NTN1: variants seen among roughly 807,000 people sequenced by gnomAD.
The protein encoded by NTN1 is netrin-1.
Under a neutral mutation model 54.2 loss-of-function variants are expected in NTN1, and 11 were observed. That is an observed-to-expected ratio of 0.20 (90% CI 0.13 to 0.34). NTN1 has a LOEUF of 0.34. NTN1 is among the 10% of genes least tolerant of loss of function. The pLI is 1.00. For synonymous variants in NTN1, 371 were observed against 382.0 expected, an observed-to-expected ratio of 0.97 and a Z score of 0.33; for missense variants, 740 against 893.1, an observed-to-expected ratio of 0.83 and a Z score of 2.18.
intron 2 of NTN1, among the ~76,000 whole-genome samples, chr17:9,026,278 T>C (rs1298729511): frequency 1.3e-5 from 2 of 152,178 alleles, no homozygotes; most frequent in East Asian, 3.8e-4. Flanking sequence ...CCTATATGTT[T>C]TCTTTGGTCC....
At chr17:9,082,710 G>A (rs1379520892) in intron 2 of NTN1, among the ~76,000 whole-genome samples, 4 of 46,440 alleles carry the variant, frequency 8.6e-5, no homozygotes, top group Non-Finnish European at 1.4e-4. Flanking sequence ...AGAGTTTCTC[G>A]CCTTTTTTTT....
chr17:9,180,994 G>A (rs561661166), intron 4 of NTN1, among the ~76,000 whole-genome samples: 1 of 152,294 alleles, frequency 6.6e-6, no homozygotes, highest in East Asian at 1.9e-4. Flanking sequence ...GAAAGCTGAG[G>A]TCTCCCGTCA....
rs146893755 is a variant in NTN1, at chr17:9,223,652, TGGGCCATG to T, written c.1486+2415_1486+2422del. ...TCAGTGTCCCCTGGGGACTGTTAGG[TGGGCCATG>T]GGGCAGGCCTCTCTCCACTCCCCTA... On this transcript the variant is annotated intron_variant, in intron 6 of 6. Transcript: ENST00000173229. 5.6e-4 allele frequency among the ~76,000 whole-genome samples: 85 copies of T among 152,302 alleles called. No homozygotes were observed. The East Asian group carries it at 0.013, about 23-fold the overall frequency.
intron 5 of NTN1, among the ~76,000 whole-genome samples, chr17:9,200,064 C>T (rs1038229605): frequency 1.3e-5 from 2 of 152,248 alleles, no homozygotes; most frequent in Admixed American, 1.3e-4. Context: ...GCCAAGCTAA[C>T]CGGCTAGCCA....
At chr17:9,058,155 G>T (rs1418735641) in intron 2 of NTN1, among the ~76,000 whole-genome samples, 2 of 152,204 alleles carry the variant, frequency 1.3e-5, no homozygotes, top group Non-Finnish European at 2.9e-5. Flanking sequence ...CTCCCAAGGT[G>T]CTGGGATTAC....
intron 6 of NTN1, among the ~76,000 whole-genome samples, chr17:9,226,701 C>G (rs1356745259): frequency 6.6e-6 from 1 of 152,116 alleles, no homozygotes; most frequent in Non-Finnish European, 1.5e-5. Flanking sequence ...TTATTATTTT[C>G]AAGCATATTC....
intron 2 of NTN1, among the ~76,000 whole-genome samples, chr17:9,158,537 CTG>C (rs1336848166): frequency 6.6e-6 from 1 of 152,204 alleles, no homozygotes; most frequent in Admixed American, 6.5e-5. Flanking sequence ...TAGATTCTGA[CTG>C]TAGTCTAGGC....
chr17:9,088,864 T>C (rs1481334454), intron 2 of NTN1, among the ~76,000 whole-genome samples: 1 of 152,068 alleles, frequency 6.6e-6, no homozygotes, highest in Admixed American at 6.6e-5. Context: ...TCTCTCCGGG[T>C]TCCTTGTGGC....
chr17:9,102,348 G>A (rs1465203096), intron 2 of NTN1, among the ~76,000 whole-genome samples: 1 of 152,166 alleles, frequency 6.6e-6, no homozygotes, highest in East Asian at 1.9e-4. Context: ...CATGGCGGCA[G>A]GAAGAAGAAT....
At chr17:9,222,206 G>GA (rs772600631) in intron 6 of NTN1, among the ~76,000 whole-genome samples, 84 of 152,298 alleles carry the variant, frequency 5.5e-4, no homozygotes, top group Non-Finnish European at 1.0e-3. Context: ...CTGGGCCCAC[G>GA]AAAGTCCACA....
intron 2 of NTN1, among the ~76,000 whole-genome samples, chr17:9,092,862 C>A (rs971227508): frequency 6.6e-6 from 1 of 152,020 alleles, no homozygotes; most frequent in Non-Finnish European, 1.5e-5. Flanking sequence ...AGGTTCACGC[C>A]ATTCTCCTGC....
At chr17:9,022,185 C>A (rs2091851652) in intron 1 of NTN1, 126 bp from the exon 2 acceptor site, 1 of 588,708 alleles carries the variant, frequency 1.7e-6, no homozygotes, top group Non-Finnish European at 2.5e-6. Flanking sequence ...GGGAGAGAGG[C>A]GGGCAGTCGG....
intron 2 of NTN1, among the ~76,000 whole-genome samples, chr17:9,116,939 C>T (rs963679418): frequency 8.6e-5 from 13 of 152,026 alleles, no homozygotes; most frequent in Admixed American, 4.6e-4. Context: ...TGTCTGCTTT[C>T]AGGAAGGATT....
At chr17:9,110,702 A>C (rs1458115811) in intron 2 of NTN1, among the ~76,000 whole-genome samples, 1 of 152,192 alleles carries the variant, frequency 6.6e-6, no homozygotes. Flanking sequence ...GTCCACAGTC[A>C]GGGTCTCAGC....
Position 9,111,690 on chromosome 17 carries a change from G to C in NTN1, c.1019-51123G>C, listed in dbSNP as rs527980828. 8.5e-5 allele frequency among the ~76,000 whole-genome samples: 13 copies of C among 152,250 alleles called. No homozygotes were observed. In the South Asian group the frequency reaches 2.7e-3, roughly 32 times the overall value. ...TCGACAGTCAATTAACACATATTTT[G>C]CATGTTATATGTATTATATACTGTA... On this transcript the variant is annotated intron_variant, in intron 2 of 6. Transcript: ENST00000173229.
chr17:9,242,306 ACAGGGCCCCTCTCCAAGCTGT>A lies in NTN1; in HGVS notation c.*2342_*2362del, dbSNP rs1481848252. 1 of 152,302 alleles carries A rather than the reference ACAGGGCCCCTCTCCAAGCTGT, an allele frequency of 6.6e-6. No homozygotes were observed. Among genetic ancestry groups the A allele is most frequent in the African/African-American group, 2.4e-5 (1 of 41,472 alleles). 9.4% of individuals were successfully genotyped at this position (152,302 alleles called of 1,614,324 possible). ...CCTGAATCCAGCCCAAGGCTAGAAG[ACAGGGCCCCTCTCCAAGCTGT>A]CAGCGCCCCTCGGATGCCCAGTGTG... is the stretch of plus-strand genomic sequence containing the variant. On this transcript the variant is annotated 3_prime_UTR_variant, in exon 7 of 7. Transcript: ENST00000173229.
chr17:9,217,222 C>T (rs1905235287), intron 5 of NTN1, among the ~76,000 whole-genome samples: 1 of 152,050 alleles, frequency 6.6e-6, no homozygotes, highest in South Asian at 2.1e-4. Context: ...TTTTTCAGGA[C>T]TTTTCTGCTC....
chr17:9,189,693 A>T (rs74523318), intron 5 of NTN1, among the ~76,000 whole-genome samples: 2 of 152,036 alleles, frequency 1.3e-5, no homozygotes, highest in African/African-American at 4.8e-5. Context: ...AAAAAAAAAA[A>T]TCCTATGTAG....
chr17:9,022,444 G>C lies in NTN1; in HGVS notation c.71G>C (p.Gly24Ala). Residue 24 changes from glycine (G) to alanine (A), a missense_variant, in exon 2 of 7, where the codon GGC becomes GCC. Physicochemically the swap from Gly to Ala is moderately conservative, Grantham distance 60 (BLOSUM62 0). Transcript: ENST00000173229. ...AVACLVGAVR[G>A]GPGLSMFAGQ... ...GCGTGCCTGGTGGGCGCGGTGCGCG[G>C]CGGGCCCGGGCTCAGCATGTTCGCG... is the stretch of plus-strand genomic sequence containing the variant. 1 of 1,401,246 alleles carries C rather than the reference G, an allele frequency of 7.1e-7. No individual in the cohort carries two copies. Among genetic ancestry groups the C allele is most frequent in the Non-Finnish European group, 9.2e-7 (1 of 1,086,630 alleles). The allele number at this position is 1,401,246 out of a possible 1,614,324, so 86.8% of individuals were successfully genotyped here.
Sources: gnomAD v4.1 joint callset for allele counts (sites outside exome capture counted in the v4.1 genomes callset) on GRCh38, gnomAD v4.1.1 for gene constraint, MANE v1.5 for transcripts, NCBI Gene and HGNC (gene_info 2026-07-23, HGNC 2026-07-21) for gene names.